The following RIPOR2 variants were observed in gnomAD, a reference collection of about 807,000 sequenced individuals.
The protein encoded by RIPOR2 is RHO family interacting cell polarization regulator 2.
RIPOR2 carries 39 observed loss-of-function variants against 114.5 expected under a neutral mutation model. The ratio of observed to expected loss-of-function variants is 0.34; its 90% CI spans 0.26 to 0.44. The LOEUF (loss-of-function observed/expected upper bound fraction) is 0.44. Ranked by LOEUF, RIPOR2 falls within the 20% of genes least tolerant of loss-of-function variation. The pLI is 1.00. For missense variants in RIPOR2, 1,007 were observed against 1,255.1 expected (o/e 0.80, Z 2.99); for synonymous variants, 445 against 484.4 (o/e 0.92, Z 1.07).
chr6:24,935,320 C>CAAA (rs976245217), intron 1 of RIPOR2, among the ~76,000 whole-genome samples: 18 of 21,702 alleles, frequency 8.3e-4, no homozygotes, highest in Admixed American at 3.5e-3. Flanking sequence ...AAAACAACAA[C>CAAA]AAAAAAAAAA....
chr6:24,948,332 T>A (rs566463259), intron 1 of RIPOR2: 1 of 152,334 alleles, frequency 6.6e-6, no homozygotes, highest in Non-Finnish European at 1.5e-5. Flanking sequence ...CATCCGAAGA[T>A]GTCCTGCACT....
rs183229099 is a variant in RIPOR2 at position 24,989,043 on chromosome 6, A to G, written c.76+52808T>C. On this transcript the variant is annotated intron_variant, in intron 1 of 13. Transcript: ENST00000510784. The stretch of plus-strand genomic sequence containing the variant: ...TTTCTTTCCTCTACACTGATTCTTG[A>G]ACCCTACATCTTCATCTTTCTTGGA... Among the ~76,000 whole-genome samples the G allele has an allele frequency of 5.4e-3, 818 of 152,300 alleles. 4 individuals are homozygous for G. The highest frequency in any genetic ancestry group is 9.5e-3 in the Non-Finnish European group (648 of 68,012).
intron 1 of RIPOR2, among the ~76,000 whole-genome samples, chr6:24,878,792 G>A (rs1766066177): frequency 1.3e-5 from 2 of 152,182 alleles, no homozygotes; most frequent in Non-Finnish European, 1.5e-5. Context: ...GAAAAAAAAA[G>A]AAAAGATACC....
chr6:24,866,774 G>A (rs557561442), intron 6 of RIPOR2, among the ~76,000 whole-genome samples: 43 of 152,022 alleles, frequency 2.8e-4, no homozygotes, highest in Non-Finnish European at 1.5e-5. Flanking sequence ...ATACCATCAG[G>A]CATTGTCAAA....
chr6:24,994,706 G>A (rs1008221492), intron 1 of RIPOR2, among the ~76,000 whole-genome samples: 3 of 152,078 alleles, frequency 2.0e-5, no homozygotes, highest in Non-Finnish European at 4.4e-5. Context: ...ACCTGGGGTG[G>A]AACAATGTTC....
chr6:24,877,727 T>A (rs962252063), intron 1 of RIPOR2, among the ~76,000 whole-genome samples: 4 of 152,070 alleles, frequency 2.6e-5, no homozygotes, highest in Non-Finnish European at 4.4e-5. Context: ...ATGAATGGAG[T>A]AATGGTGAGA....
Position 24,869,094 on chromosome 6 carries a change from CT to C in RIPOR2, c.500del (p.Lys167ArgfsTer2). The C allele has an allele frequency of 6.4e-7, 1 of 1,551,262 alleles. No individual in the cohort carries two copies. The highest frequency in any genetic ancestry group is 8.8e-7 in the Non-Finnish European group (1 of 1,131,392). On this transcript the variant is annotated frameshift_variant and splice_region_variant, in exon 6 of 22. Transcript: ENST00000643898. LOFTEE classifies it high-confidence loss of function. ...CAATGAGAACAGGAATTTCAGTTAC[CT>C]TACTTATATGAAACTCCAGGCGTCT... is the stretch of plus-strand genomic sequence containing the variant. ...YMRRLEFHIS[K>X]VDELYEAYCI...
At chr6:24,865,139 C>T (rs1216679480) in intron 7 of RIPOR2, among the ~76,000 whole-genome samples, 162 bp downstream of exon 7, 3 of 152,172 alleles carry the variant, frequency 2.0e-5, no homozygotes, top group East Asian at 3.8e-4. Flanking sequence ...GCAATTCTAC[C>T]GATTGCCTTT....
Position 24,912,909 on chromosome 6 carries a change from T to A in RIPOR2, c.61+22929A>T, listed in dbSNP as rs1769780500. Among the ~76,000 whole-genome samples the A allele has an allele frequency of 2.6e-5, 4 of 152,188 alleles. 1 individual carries two copies. In the South Asian group the frequency reaches 8.3e-4, roughly 32 times the overall value. ...AGGTACTTTATAGATATTATCCCACTGAAGCCTGTCATCTCTTTCCCATAG... is the reference window on the plus strand; with the variant it reads ...AGGTACTTTATAGATATTATCCCACAGAAGCCTGTCATCTCTTTCCCATAG... On this transcript the variant is annotated intron_variant, in intron 1 of 21. Transcript: ENST00000643898.
chr6:25,040,225 CCAGTCT>C (rs1200365875), intron 1 of RIPOR2, among the ~76,000 whole-genome samples: 2 of 151,946 alleles, frequency 1.3e-5, no homozygotes, highest in African/African-American at 4.8e-5. Flanking sequence ...AAGCGATTCT[CCAGTCT>C]CAGCCTCTTG....
intron 1 of RIPOR2, among the ~76,000 whole-genome samples, chr6:24,962,091 C>T (rs1046746387): frequency 3.3e-5 from 5 of 152,156 alleles, no homozygotes; most frequent in African/African-American, 1.2e-4. Context: ...GGCGCCAGAA[C>T]CCATGCTTTC....
In RIPOR2 at chr6:24,883,427, T is replaced by C. The variant is rs1237077003; in HGVS notation, c.62-7610A>G. Among the ~76,000 whole-genome samples the C allele has an allele frequency of 6.6e-6, 1 of 152,052 alleles. No individual in the cohort carries two copies. Among genetic ancestry groups the C allele is most frequent in the African/African-American group, 2.4e-5 (1 of 41,392 alleles). On this transcript the variant is annotated intron_variant, in intron 1 of 21. Transcript: ENST00000643898. This position sits in a 1 kb window ranked among gnomAD's most constrained non-coding sequence, Gnocchi z 4.1. ...TGACATGCTGGCAAAAGTAAAAAAATTCCACAATCAATTCAAGTGTTTGCC... is the reference window on the plus strand; with the variant it reads ...TGACATGCTGGCAAAAGTAAAAAAACTCCACAATCAATTCAAGTGTTTGCC...
intron 17 of RIPOR2, among the ~76,000 whole-genome samples, 152 bp from the exon 18 acceptor site, chr6:24,828,447 T>C (rs1469462110): frequency 3.9e-5 from 6 of 152,176 alleles, no homozygotes; most frequent in Admixed American, 3.9e-4. Context: ...CAAGCAGTCC[T>C]CCTGCCTCAG....
chr6:24,957,871 G>C (rs1019812918), intron 1 of RIPOR2, among the ~76,000 whole-genome samples: 1 of 152,118 alleles, frequency 6.6e-6, no homozygotes, highest in African/African-American at 2.4e-5. Flanking sequence ...CGAAGACTCC[G>C]TCTCAAAAAA....
At position 24,915,987 on chromosome 6, in the gene RIPOR2, A is replaced by T. The variant is rs141979006; in HGVS notation, c.61+19851T>A. Among the ~76,000 whole-genome samples, 192 of 152,212 alleles carry T rather than the reference A, an allele frequency of 1.3e-3. No individual in the cohort carries two copies. In the Middle Eastern group the frequency reaches 0.014, roughly 11 times the overall value. ...GGAAGAGTCTTGGAAAAAGTGCTGG[A>T]CTCAGAGTCGATGCCTGGGTTCTAT... is the stretch of plus-strand genomic sequence containing the variant. On this transcript the variant is annotated intron_variant, in intron 1 of 21. Coordinates refer to ENST00000643898, the MANE Select transcript of RIPOR2 (RefSeq NM_001286445.3).
intron 1 of RIPOR2, among the ~76,000 whole-genome samples, chr6:24,933,715 T>C (rs753533306): frequency 3.3e-5 from 5 of 152,192 alleles, no homozygotes; most frequent in African/African-American, 7.2e-5. Flanking sequence ...CACTTCACCA[T>C]TGAGGAGACC....
At chr6:25,005,462 C>T (rs939739741) in intron 1 of RIPOR2, among the ~76,000 whole-genome samples, 2 of 151,782 alleles carry the variant, frequency 1.3e-5, no homozygotes, top group African/African-American at 4.8e-5. Context: ...CCTACCTGTG[C>T]AATTGTAAAA....
chr6:24,939,639 A>G (rs529648), upstream of RIPOR2, among the ~76,000 whole-genome samples: 31,882 of 152,190 alleles, frequency 0.21, 3,597 homozygotes, highest in East Asian at 0.45. Flanking sequence ...GACTAAAGAT[A>G]GGGAAATTCA....
intron 1 of RIPOR2, among the ~76,000 whole-genome samples, chr6:24,967,322 G>T (rs575806989): frequency 6.6e-6 from 1 of 152,324 alleles, no homozygotes; most frequent in Admixed American, 6.5e-5. Flanking sequence ...GAAGAAGCAT[G>T]TTGGGGGAAG....
Sources: gnomAD v4.1 joint callset for allele counts (sites outside exome capture counted in the v4.1 genomes callset) on GRCh38, gnomAD v4.1.1 for gene constraint, Gnocchi (gnomAD v3.1) non-coding constraint, MANE v1.5 for transcripts, NCBI Gene and HGNC (gene_info 2026-07-23, HGNC 2026-07-21) for gene names.